Variants in VWC2 observed in about 807,000 individuals in gnomAD.
VWC2 encodes the protein von Willebrand factor C domain containing 2, also known as brorin.
A neutral mutation model predicts 29.8 loss-of-function variants in VWC2; 14 were observed. The ratio of observed to expected loss-of-function variants is 0.47; its 90% CI spans 0.31 to 0.74. The LOEUF is 0.74. Ranked by LOEUF, VWC2 falls within the 30% of genes least tolerant of loss-of-function variation. The probability of loss-of-function intolerance (pLI) is 0.05; values close to 1 mark genes in which losing one functional copy is unlikely to be tolerated. For synonymous variants in VWC2, 213 were observed against 199.0 expected, an observed-to-expected ratio of 1.07 and a Z score of -0.59; for missense variants, 457 against 459.8, an observed-to-expected ratio of 0.99 and a Z score of 0.05.
At chr7:49,886,321 T>C (rs1352933049) in intron 3 of VWC2, among the ~76,000 whole-genome samples, 1 of 151,304 alleles carries the variant, frequency 6.6e-6, no homozygotes, top group African/African-American at 2.5e-5. Flanking sequence ...AAGCGCAAAA[T>C]TCACCACATT....
rs566222673 is a variant in VWC2, at chr7:49,790,923, A to G, written c.697-11788A>G. On this transcript the variant is annotated intron_variant, in intron 2 of 3. Transcript: ENST00000340652. Reference sequence around the variant, plus strand: ...CTTATAGGTGGTGAGGAGGGCTGACAGGTGCAGGCAGAGCCATTTGCGCTC... The same window carrying G: ...CTTATAGGTGGTGAGGAGGGCTGACGGGTGCAGGCAGAGCCATTTGCGCTC... Among the ~76,000 whole-genome samples, 252 of 152,228 alleles carry G rather than the reference A, an allele frequency of 1.7e-3. 1 individual carries two copies. Among genetic ancestry groups the G allele is most frequent in the South Asian group, 6.3e-3 (30 of 4,798 alleles).
chr7:49,912,903 A>C lies in VWC2; in HGVS notation c.*718A>C, dbSNP rs765245034. 6.6e-5 allele frequency: 10 copies of C among 152,020 alleles called. No homozygotes were observed. Among genetic ancestry groups the C allele is most frequent in the Non-Finnish European group, 1.3e-4 (9 of 68,004 alleles). 9.4% of individuals were successfully genotyped at this position (152,020 alleles called of 1,614,324 possible). On this transcript the variant is annotated 3_prime_UTR_variant, in exon 4 of 4. Coordinates refer to ENST00000340652, the MANE Select transcript of VWC2 (RefSeq NM_198570.5). Reference sequence around the variant, plus strand: ...CATATATTTCATTCTTATTTACATTATTTTCTCTTCTAAGGATAACTTTAA... The same window carrying C: ...CATATATTTCATTCTTATTTACATTCTTTTCTCTTCTAAGGATAACTTTAA...
At chr7:49,847,343 T>G (rs1041908685) in intron 3 of VWC2, among the ~76,000 whole-genome samples, 1 of 152,038 alleles carries the variant, frequency 6.6e-6, no homozygotes, top group Non-Finnish European at 1.5e-5. Flanking sequence ...AATACTGAAA[T>G]TGGCATAATA....
intron 3 of VWC2, among the ~76,000 whole-genome samples, chr7:49,837,085 C>T (rs1583661026): frequency 6.6e-6 from 1 of 152,206 alleles, no homozygotes; most frequent in East Asian, 1.9e-4. Context: ...TATGTGGCAA[C>T]TATTGAAGTG....
intron 2 of VWC2, among the ~76,000 whole-genome samples, chr7:49,790,638 C>G (rs973136660): frequency 6.6e-6 from 1 of 151,844 alleles, no homozygotes. Flanking sequence ...AGGTGGGGAG[C>G]CTTTCTGTGC....
At position 49,775,392 on chromosome 7, in the gene VWC2, C is replaced by A; in HGVS notation, c.-44C>A. ...CGGGCTGTGAATGCGACTCGCCCCT[C>A]GGCCGCGCTCCCCGCCCGCCCGCCC... On this transcript the variant is annotated 5_prime_UTR_variant, in exon 2 of 4. It introduces an in-frame stop codon into an upstream open reading frame of the 5' UTR. Coordinates refer to ENST00000340652, the MANE Select transcript of VWC2 (RefSeq NM_198570.5). 2 of 1,330,280 alleles carry A rather than the reference C, an allele frequency of 1.5e-6. No individual in the cohort carries two copies. The highest frequency in any genetic ancestry group is 4.0e-5 in the Admixed American group (1 of 24,754). 82.4% of individuals were successfully genotyped at this position (1,330,280 alleles called of 1,614,324 possible).
chr7:49,871,087 C>A (rs1791130212), intron 3 of VWC2, among the ~76,000 whole-genome samples: 1 of 151,956 alleles, frequency 6.6e-6, no homozygotes, highest in African/African-American at 2.4e-5. Context: ...GCTAATGGAG[C>A]CATCCAAGAA....
At chr7:49,826,333 A>G (rs1396816923) in intron 3 of VWC2, among the ~76,000 whole-genome samples, 1 of 152,202 alleles carries the variant, frequency 6.6e-6, no homozygotes, top group East Asian at 1.9e-4. Flanking sequence ...AAAATTTTGT[A>G]TCCAAAAAAG....
In VWC2 at chr7:49,920,827, G is replaced by C. The variant is rs1268574161; in HGVS notation, c.*8642G>C. On this transcript the variant is annotated 3_prime_UTR_variant, in exon 4 of 4. Transcript: ENST00000340652. ...ATAACATCATTTACCAAGTCTGTGT[G>C]ATGCTTTACAAGGTACCTGATGAAT... The C allele has an allele frequency of 6.6e-6, 1 of 152,080 alleles. No individual in the cohort carries two copies. Among genetic ancestry groups the C allele is most frequent in the African/African-American group, 2.4e-5 (1 of 41,406 alleles). The allele number at this position is 152,080 out of a possible 1,614,324, so 9.4% of individuals were successfully genotyped here.
intron 3 of VWC2, among the ~76,000 whole-genome samples, chr7:49,884,803 G>C (rs531586004): frequency 6.6e-6 from 1 of 151,780 alleles, no homozygotes; most frequent in Non-Finnish European, 1.5e-5. Flanking sequence ...TTCCAAAGGA[G>C]AGAAAAACAA....
intron 3 of VWC2, among the ~76,000 whole-genome samples, chr7:49,861,873 A>G (rs900509036): frequency 7.9e-5 from 12 of 152,230 alleles, no homozygotes; most frequent in African/African-American, 2.9e-4. Flanking sequence ...TTATGCCAGT[A>G]CCACACTGTT....
chr7:49,833,069 A>C (rs1789573321), intron 3 of VWC2, among the ~76,000 whole-genome samples: 1 of 152,238 alleles, frequency 6.6e-6, no homozygotes, highest in Non-Finnish European at 1.5e-5. Flanking sequence ...GATACTATGA[A>C]GGTTAGGCTA....
intron 3 of VWC2, among the ~76,000 whole-genome samples, chr7:49,851,042 C>A (rs1023170168): frequency 3.3e-5 from 5 of 152,180 alleles, no homozygotes; most frequent in African/African-American, 1.2e-4. Context: ...TAAAGTAGAT[C>A]AAGGTCCCAC....
At chr7:49,863,758 C>G (rs948097140) in intron 3 of VWC2, among the ~76,000 whole-genome samples, 3 of 152,046 alleles carry the variant, frequency 2.0e-5, no homozygotes, top group African/African-American at 7.2e-5. Flanking sequence ...TTTTGTTTAT[C>G]CTGTGCTAAT....
chr7:49,871,005 T>TA (rs1242728651), intron 3 of VWC2, among the ~76,000 whole-genome samples: 2 of 151,992 alleles, frequency 1.3e-5, no homozygotes, highest in South Asian at 2.1e-4. Flanking sequence ...TAAAACATGC[T>TA]AAAAAATGCA....
chr7:49,884,317 G>T (rs1791804244), intron 3 of VWC2, among the ~76,000 whole-genome samples: 1 of 152,240 alleles, frequency 6.6e-6, no homozygotes, highest in African/African-American at 2.4e-5. Flanking sequence ...AGCATGGAGA[G>T]CCAATCACTG....
At chr7:49,883,251 T>G (rs185665506) in intron 3 of VWC2, among the ~76,000 whole-genome samples, 193 of 152,122 alleles carry the variant, frequency 1.3e-3, no homozygotes, top group Admixed American at 3.3e-3. Context: ...GAGGCGTCTT[T>G]CCAGAGCAGG....
chr7:49,888,875 C>T (rs1392220961), intron 3 of VWC2, among the ~76,000 whole-genome samples: 1 of 152,052 alleles, frequency 6.6e-6, no homozygotes, highest in Non-Finnish European at 1.5e-5. Context: ...CGCACCATCA[C>T]AGTCTAGCCT....
chr7:49,830,341 C>G (rs1355194312), intron 3 of VWC2, among the ~76,000 whole-genome samples: 2 of 152,078 alleles, frequency 1.3e-5, no homozygotes, highest in African/African-American at 2.4e-5. Context: ...GATGAGGGCT[C>G]TCTGTTGTCA....
Sources: allele counts gnomAD v4.1 joint callset (sites outside exome capture counted in the v4.1 genomes callset), GRCh38; gene constraint gnomAD v4.1.1; transcripts MANE v1.5; gene names NCBI Gene and HGNC (gene_info 2026-07-23, HGNC 2026-07-21).